The following TES variants were observed in gnomAD, a reference collection of about 807,000 sequenced individuals.
TES encodes the protein testin LIM domain protein.
TES carries 41 observed loss-of-function variants against 48.2 expected under a neutral mutation model. The ratio of observed to expected loss-of-function variants is 0.85; its 90% CI spans 0.66 to 1.10. TES has a LOEUF of 1.10. TES is among the 50% of genes least tolerant of loss of function. TES has a pLI of 0.00. For synonymous variants in TES, 162 were observed against 174.9 expected (o/e 0.93, Z 0.58); for missense variants, 463 against 515.1 (o/e 0.90, Z 0.98).
chr7:116,232,579 T>C (rs1178724098), intron 1 of TES, among the ~76,000 whole-genome samples: 1 of 152,204 alleles, frequency 6.6e-6, no homozygotes, highest in Non-Finnish European at 1.5e-5. Context: ...TTGCTTTTCA[T>C]TTTACTATGG....
intron 1 of TES, among the ~76,000 whole-genome samples, chr7:116,226,296 CATAAT>C (rs2116583263): frequency 6.6e-6 from 1 of 152,212 alleles, no homozygotes; most frequent in East Asian, 1.9e-4. Context: ...TGCACACAAT[CATAAT>C]ATAGTAAGGA....
At chr7:116,256,047 T>C (rs1265415656) in intron 6 of TES, among the ~76,000 whole-genome samples, 1 of 150,748 alleles carries the variant, frequency 6.6e-6, no homozygotes, top group Non-Finnish European at 1.5e-5. Flanking sequence ...CGTTCATTTT[T>C]ATAGTATTCA....
chr7:116,235,538 A>G (rs537968331), intron 2 of TES, among the ~76,000 whole-genome samples: 16 of 152,230 alleles, frequency 1.1e-4, no homozygotes, highest in Non-Finnish European at 1.8e-4. Context: ...TGAATTTTCT[A>G]TAGATCTTAT....
chr7:116,243,793 A>G (rs1019926483), intron 2 of TES: 4 of 152,242 alleles, frequency 2.6e-5, no homozygotes, highest in Admixed American at 2.0e-4. Context: ...TAGTCAAGAC[A>G]TACCCAAGAC....
At chr7:116,250,062 C>A (rs1584628084) in intron 3 of TES, 99 bp from the exon 4 acceptor site, 3 of 1,033,500 alleles carry the variant, frequency 2.9e-6, no homozygotes. Flanking sequence ...TTGGATAGAA[C>A]CCACTTCTTT....
intron 1 of TES, among the ~76,000 whole-genome samples, chr7:116,214,119 A>G (rs1157945585): frequency 1.6e-4 from 24 of 151,920 alleles, no homozygotes; most frequent in Admixed American, 1.6e-3. Flanking sequence ...ATTAATCCTA[A>G]TATTTTGCAT....
intron 1 of TES, among the ~76,000 whole-genome samples, chr7:116,231,115 C>G (rs1012756698): frequency 6.6e-6 from 1 of 152,074 alleles, no homozygotes; most frequent in Non-Finnish European, 1.5e-5. Context: ...AGAGCAGGAG[C>G]CAGATGCTGA....
chr7:116,227,312 C>T (rs937895918), intron 1 of TES, among the ~76,000 whole-genome samples: 9 of 150,520 alleles, frequency 6.0e-5, no homozygotes, highest in South Asian at 2.1e-4. Context: ...TTAGTAGAAA[C>T]GGGGTTTCAC....
chr7:116,224,719 A>G (rs1475328182), intron 1 of TES, among the ~76,000 whole-genome samples: 2 of 152,302 alleles, frequency 1.3e-5, no homozygotes, highest in African/African-American at 2.4e-5. Context: ...CTTCCTCATA[A>G]TAAGTCCCAG....
intron 2 of TES, among the ~76,000 whole-genome samples, chr7:116,243,327 T>C (rs1466549528): frequency 6.6e-6 from 1 of 152,200 alleles, no homozygotes; most frequent in African/African-American, 2.4e-5. Flanking sequence ...CGTTGCCATG[T>C]ATATTGCTTC....
intron 2 of TES, among the ~76,000 whole-genome samples, chr7:116,236,187 A>G (rs1799768738): frequency 1.3e-5 from 2 of 152,168 alleles, no homozygotes; most frequent in Admixed American, 1.3e-4. Context: ...TATTGGGCCT[A>G]TTAGTTAACT....
intron 5 of TES, 93 bp from the exon 6 acceptor site, chr7:116,252,225 A>G: frequency 7.3e-6 from 10 of 1,363,844 alleles, no homozygotes; most frequent in Non-Finnish European, 9.8e-6. Flanking sequence ...TTAGGTTATC[A>G]TTTTCAAACT....
chr7:116,210,731 G>C lies in TES; in HGVS notation c.24G>C (p.Lys8Asn). 8.0e-7 allele frequency: 1 copy of C among 1,249,086 alleles called. No homozygotes were observed. Among genetic ancestry groups the C allele is most frequent in the Non-Finnish European group, 1.0e-6 (1 of 986,654 alleles). 77.4% of individuals were successfully genotyped at this position (1,249,086 alleles called of 1,614,324 possible). A position where few individuals can be genotyped will look rare whatever the true frequency, so the allele number is the denominator to read the frequency against. ...ACATGGACCTGGAAAACAAAGTGAA[G>C]AAGGTAGGGGGGCGCTCGTGGCGGG... Reference protein sequence around the residue: MDLENKVKKMGLGHEQGF... With the variant: MDLENKVNKMGLGHEQGF... Residue 8 changes from lysine (K) to asparagine (N), a missense_variant, in exon 1 of 7, where the codon AAG becomes AAC. Physicochemically the swap from Lys to Asn is moderately conservative, Grantham distance 94. Transcript: ENST00000358204.
At chr7:116,244,939 C>T (rs1799900607) in intron 2 of TES, among the ~76,000 whole-genome samples, 1 of 152,076 alleles carries the variant, frequency 6.6e-6, no homozygotes, top group African/African-American at 2.4e-5. Flanking sequence ...ATACCTTGGC[C>T]CCTTTTAGCC....
chr7:116,229,600 C>CT (rs1225272954), intron 1 of TES, among the ~76,000 whole-genome samples: 14 of 152,158 alleles, frequency 9.2e-5, no homozygotes, highest in Non-Finnish European at 1.9e-4. Context: ...TGGGGCAGTT[C>CT]TGGCTGTGAA....
chr7:116,246,947 C>CT (rs35662534), intron 2 of TES, among the ~76,000 whole-genome samples: 12,416 of 131,290 alleles, frequency 0.095, 719 homozygotes, highest in Non-Finnish European at 0.13. Flanking sequence ...GACTAGGCCC[C>CT]TTTTTTTTTT....
intron 1 of TES, among the ~76,000 whole-genome samples, chr7:116,218,151 G>C (rs1405641745): frequency 6.6e-6 from 1 of 152,104 alleles, no homozygotes; most frequent in Admixed American, 6.6e-5. Flanking sequence ...TTACTACTCT[G>C]TAAATATACT....
At chr7:116,211,103 C>T (rs2116564241) in intron 1 of TES, 1 of 189,668 alleles carries the variant, frequency 5.3e-6, no homozygotes, top group East Asian at 1.3e-4. Flanking sequence ...CGGGCGAGAC[C>T]GTGACACTTC....
chr7:116,221,348 G>A (rs577886709), intron 1 of TES, among the ~76,000 whole-genome samples: 13 of 152,238 alleles, frequency 8.5e-5, no homozygotes, highest in Admixed American at 2.0e-4. Context: ...TTGTGGTCCC[G>A]TATAGGGAAT....
Sources: gnomAD v4.1 joint callset for allele counts (sites outside exome capture counted in the v4.1 genomes callset) on GRCh38, gnomAD v4.1.1 for gene constraint, MANE v1.5 for transcripts, NCBI Gene and HGNC (gene_info 2026-07-23, HGNC 2026-07-21) for gene names.